Variants in TMEM130 observed in about 807,000 individuals in gnomAD.
The protein encoded by TMEM130 is transmembrane protein 130.
TMEM130 carries 37 observed loss-of-function variants against 42.9 expected under a neutral mutation model. That is an observed-to-expected ratio of 0.86 (90% CI 0.66 to 1.13). The LOEUF (loss-of-function observed/expected upper bound fraction) is 1.13. Among genes scored for constraint, TMEM130 ranks in the 50% most tolerant of loss-of-function variants. TMEM130 has a pLI of 0.00. For synonymous variants in TMEM130, 259 were observed against 237.7 expected (o/e 1.09, Z -0.82); for missense variants, 545 against 562.6 (o/e 0.97, Z 0.32).
In TMEM130 at chr7:98,855,249, A is replaced by G. The variant is rs140366831; in HGVS notation, c.794T>C (p.Phe265Ser). 19 of 1,613,272 alleles carry G rather than the reference A, an allele frequency of 1.2e-5. No homozygotes were observed. In the African/African-American group the frequency reaches 2.1e-4, roughly 18 times the overall value. ...TFQKMTVTLNFLGSPPLTVCW... is the reference protein window; with the variant it reads ...TFQKMTVTLNSLGSPPLTVCW... ...TCTGGAGCTCACTTACCTCCCCAGG[A>G]AGTTCAAGGTCACGGTCATCTTTTG... is the stretch of plus-strand genomic sequence containing the variant. The change falls in exon 5 of 8, where the codon TTC (phenylalanine) becomes TCC (serine). Residue 265 changes from phenylalanine (F) to serine (S), a missense_variant. Physicochemically the swap from Phe to Ser is radical, Grantham distance 155 (BLOSUM62 -2). Transcript: ENST00000339375.
At chr7:98,865,919 C>T (rs1794896610) in intron 1 of TMEM130, 1 of 170,998 alleles carries the variant, frequency 5.8e-6, no homozygotes, top group Non-Finnish European at 1.3e-5. Context: ...CGAGTGGGCA[C>T]AAGGTCCCCC....
rs1488758406 is a variant in TMEM130, at chr7:98,869,558, T to C, written c.85+219A>G. On this transcript the variant is annotated intron_variant, in intron 1 of 7. Coordinates refer to ENST00000339375, the MANE Select transcript of TMEM130 (RefSeq NM_152913.3). This position sits in a 1 kb window ranked among gnomAD's most constrained non-coding sequence, Gnocchi z 4.7. ...GGGGTGGAAGCAGGAATCCAGGGGGTGCGGGGAGCCCCCTCCAGTGCCCAG... is the reference window on the plus strand; with the variant it reads ...GGGGTGGAAGCAGGAATCCAGGGGGCGCGGGGAGCCCCCTCCAGTGCCCAG... Among the ~76,000 whole-genome samples the C allele has an allele frequency of 2.6e-5, 4 of 151,510 alleles. No homozygotes were observed. The highest frequency in any genetic ancestry group is 2.1e-4 in the South Asian group (1 of 4,796).
At chr7:98,850,273 A>ATTTTTTTTTTTTTTTTTTTTTT (rs1554398023) in intron 6 of TMEM130, among the ~76,000 whole-genome samples, 2 of 35,472 alleles carry the variant, frequency 5.6e-5, no homozygotes, top group Non-Finnish European at 1.3e-4. Flanking sequence ...ATATATATAT[A>ATTTTTTTTTTTTTTTTTTTTTT]TTTTTTTTTT....
At chr7:98,863,469 G>A (rs1243800219) in intron 1 of TMEM130, 69 bp from the exon 2 acceptor site, 1 of 1,415,436 alleles carries the variant, frequency 7.1e-7, no homozygotes, top group Middle Eastern at 1.9e-4. Context: ...GCCACCTCTG[G>A]GCTGGCATCA....
In TMEM130 at chr7:98,848,686, G is replaced by A. The variant is rs782777138; in HGVS notation, c.1016C>T (p.Pro339Leu). Residue 339 changes from proline (P) to leucine (L), a missense_variant, in exon 7 of 8, where the codon CCG becomes CTG. Transcript: ENST00000339375. ...AGCACATGGGAAAGCAAAGACAGCC[G>A]GCTGGATTCCTGGGAATGAAAGAAG... is the stretch of plus-strand genomic sequence containing the variant. ...KIQVWPSRIQPAVFAFPCATL... is the reference protein window; with the variant it reads ...KIQVWPSRIQLAVFAFPCATL... The A allele has an allele frequency of 3.7e-5, 60 of 1,612,030 alleles. No individual in the cohort carries two copies. In the South Asian group the frequency reaches 3.7e-4, roughly 10 times the overall value.
chr7:98,869,826 G>A lies in TMEM130; in HGVS notation c.36C>T (p.Ile12=). The part of the protein sequence containing the change: ...AQAVWSRLGR[I]LWLACLLPWA... ...AGGGCAGGAGGCAGGCAAGCCAGAG[G>A]ATGCGGCCGAGGCGCGACCACACTG... The change falls in exon 1 of 8, where the codon ATC becomes ATT. Residue 12 remains isoleucine, a synonymous_variant. Transcript: ENST00000339375. The surrounding 1 kb of genome is among the most constrained non-coding windows in gnomAD (Gnocchi z 4.7). 6 of 1,448,880 alleles carry A rather than the reference G, an allele frequency of 4.1e-6. No homozygotes were observed. In the South Asian group the frequency reaches 5.5e-5, roughly 13 times the overall value. The allele number at this position is 1,448,880 out of a possible 1,614,324, so 89.8% of individuals were successfully genotyped here.
intron 5 of TMEM130, among the ~76,000 whole-genome samples, chr7:98,854,171 C>G (rs1401534517): frequency 2.0e-5 from 3 of 151,464 alleles, no homozygotes; most frequent in South Asian, 2.1e-4. Flanking sequence ...CCGAGTAGCT[C>G]GAATTACAGG....
At chr7:98,861,245 GGA>G (rs1794765265) in intron 2 of TMEM130, among the ~76,000 whole-genome samples, 1 of 150,114 alleles carries the variant, frequency 6.7e-6, no homozygotes, top group Non-Finnish European at 1.5e-5. Flanking sequence ...GGCTGAGGCG[GGA>G]GAATGGTGTG....
At chr7:98,850,271 A>ATTTTTTTTTTTTTTTTTTT (rs1290884464) in intron 6 of TMEM130, among the ~76,000 whole-genome samples, 2 of 33,880 alleles carry the variant, frequency 5.9e-5, no homozygotes, top group African/African-American at 1.5e-4. Context: ...ATATATATAT[A>ATTTTTTTTTTTTTTTTTTT]TATTTTTTTT....
chr7:98,856,982 G>A (rs1404308058), intron 3 of TMEM130, among the ~76,000 whole-genome samples: 3 of 151,546 alleles, frequency 2.0e-5, no homozygotes, highest in African/African-American at 7.3e-5. Flanking sequence ...GTGCTGTGGT[G>A]CAATCATAGC....
At chr7:98,849,520 G>A (rs553518717) in intron 6 of TMEM130, among the ~76,000 whole-genome samples, 3 of 152,328 alleles carry the variant, frequency 2.0e-5, no homozygotes, top group East Asian at 3.9e-4. Flanking sequence ...GCTGAGAGAT[G>A]CAGGGCTCAA....
intron 6 of TMEM130, among the ~76,000 whole-genome samples, chr7:98,850,836 G>A (rs1330432708): frequency 6.6e-6 from 1 of 152,216 alleles, no homozygotes; most frequent in African/African-American, 2.4e-5. Flanking sequence ...ATGGTGATGA[G>A]GGAGGGAACA....
At chr7:98,865,029 T>A (rs1794876342) in intron 1 of TMEM130, among the ~76,000 whole-genome samples, 1 of 152,262 alleles carries the variant, frequency 6.6e-6, no homozygotes, top group South Asian at 2.1e-4. Context: ...CCTTTCCTGC[T>A]ATGCTTCAAA....
intron 6 of TMEM130, among the ~76,000 whole-genome samples, chr7:98,850,288 T>TTTTTTTTA (rs1554398034): frequency 2.7e-5 from 3 of 112,530 alleles, no homozygotes; most frequent in African/African-American, 9.1e-5. Context: ...TTTTTTTTTT[T>TTTTTTTTA]AATTTTTTGA....
intron 3 of TMEM130, 118 bp from the exon 4 acceptor site, chr7:98,856,301 C>T (rs531028644): frequency 1.0e-6 from 1 of 988,516 alleles, no homozygotes; most frequent in Admixed American, 2.3e-5. Context: ...CAGTGATACT[C>T]CCAGCTACCA....
chr7:98,850,115 T>C (rs1245187624), intron 6 of TMEM130, among the ~76,000 whole-genome samples: 2 of 150,974 alleles, frequency 1.3e-5, no homozygotes, highest in African/African-American at 4.8e-5. Context: ...TGTGGTGTGA[T>C]CTTGGCTCAT....
At position 98,856,035 on chromosome 7, in the gene TMEM130, C is replaced by T. The variant is rs781989024; in HGVS notation, c.700G>A (p.Ala234Thr). ...CACCCACCCTGCAGCTTCAGCGAGG[C>T]GGAGAAGTCCCCGGTCTTCTGCTTC... Reference protein sequence around the residue: ...AVKQKTGDFSASLKLQETLRG... With the variant: ...AVKQKTGDFSTSLKLQETLRG... Residue 234 changes from alanine to threonine, a missense_variant, in exon 4 of 8, where the codon GCC becomes ACC. Coordinates refer to ENST00000339375, the MANE Select transcript of TMEM130 (RefSeq NM_152913.3). The T allele has an allele frequency of 3.3e-5, 54 of 1,613,272 alleles. No homozygotes were observed. Among genetic ancestry groups the T allele is most frequent in the South Asian group, 7.7e-5 (7 of 91,062 alleles).
chr7:98,862,507 T>G (rs1250011934), intron 2 of TMEM130, among the ~76,000 whole-genome samples: 1 of 137,482 alleles, frequency 7.3e-6, no homozygotes, highest in East Asian at 2.1e-4. Context: ...TTTTTTTTTT[T>G]TTTTTTTTTG....
chr7:98,856,199 G>C lies in TMEM130; in HGVS notation c.552-16C>G. On this transcript the variant is annotated splice_polypyrimidine_tract_variant and intron_variant, in intron 3 of 7. Coordinates refer to ENST00000339375, the MANE Select transcript of TMEM130 (RefSeq NM_152913.3). ...CATCTGGGTCCTGTTAGGAGACAGG[G>C]AGGAGAGAGGAGGAAGACAGCAGAC... The C allele has an allele frequency of 6.2e-7, 1 of 1,611,012 alleles. No individual in the cohort carries two copies. Among genetic ancestry groups the C allele is most frequent in the Middle Eastern group, 1.7e-4 (1 of 6,054 alleles).
Sources: gnomAD v4.1 joint callset for allele counts (sites outside exome capture counted in the v4.1 genomes callset) on GRCh38, gnomAD v4.1.1 for gene constraint, Gnocchi (gnomAD v3.1) non-coding constraint, MANE v1.5 for transcripts, NCBI Gene and HGNC (gene_info 2026-07-23, HGNC 2026-07-21) for gene names.